The following GLCE variants were observed in gnomAD, a reference collection of about 807,000 sequenced individuals.
GLCE encodes glucuronic acid epimerase, also known as D-glucuronyl C5-epimerase.
A neutral mutation model predicts 47.9 loss-of-function variants in GLCE; 19 were observed. The ratio of observed to expected loss-of-function variants is 0.40; its 90% CI spans 0.28 to 0.58. The LOEUF (loss-of-function observed/expected upper bound fraction) is 0.58. GLCE is among the 20% of genes least tolerant of loss of function. The pLI is 0.48. For missense variants in GLCE, 556 were observed against 743.3 expected, an observed-to-expected ratio of 0.75 and a Z score of 2.93; for synonymous variants, 245 against 263.4, an observed-to-expected ratio of 0.93 and a Z score of 0.68.
At chr15:69,234,801 T>C (rs181238999) in intron 2 of GLCE, among the ~76,000 whole-genome samples, 51 of 152,296 alleles carry the variant, frequency 3.3e-4, no homozygotes, top group African/African-American at 1.2e-3. Flanking sequence ...AGCTGGGAAA[T>C]CTTAGTTTAA....
At position 69,269,371 on chromosome 15, in the gene GLCE, AGT is replaced by A. The variant is rs1413617100; in HGVS notation, c.*129_*130del. ...TTTTGTGGATTCTATCAAAGTGATA[AGT>A]GATCCTTAAAACCAGCCTTCTAAAA... On this transcript the variant is annotated 3_prime_UTR_variant, in exon 5 of 5. Coordinates refer to ENST00000261858, the MANE Select transcript of GLCE (RefSeq NM_015554.3). The A allele has an allele frequency of 1.1e-5, 8 of 729,236 alleles. No homozygotes were observed. The highest frequency in any genetic ancestry group is 1.6e-5 in the Non-Finnish European group (7 of 440,646). The allele number at this position is 729,236 out of a possible 1,614,324, so 45.2% of individuals were successfully genotyped here. A position where few individuals can be genotyped will look rare whatever the true frequency, so the allele number is the denominator to read the frequency against.
At chr15:69,258,936 T>C (rs1455868120) in intron 3 of GLCE, among the ~76,000 whole-genome samples, 1 of 152,232 alleles carries the variant, frequency 6.6e-6, no homozygotes. Flanking sequence ...ATTCTGAGAA[T>C]ATAATTAACT....
intron 2 of GLCE, among the ~76,000 whole-genome samples, chr15:69,243,790 T>C (rs780337827): frequency 1.4e-4 from 17 of 118,190 alleles, no homozygotes; most frequent in Middle Eastern, 4.0e-3. Context: ...CTATGGCTAA[T>C]AAAAAGTCAT....
intron 1 of GLCE, among the ~76,000 whole-genome samples, chr15:69,165,267 T>G (rs1403310496): frequency 6.6e-6 from 1 of 152,184 alleles, no homozygotes; most frequent in African/African-American, 2.4e-5. Context: ...CCATACTTTA[T>G]CAGCCCAACT....
chr15:69,168,198 C>T (rs1435242110), intron 1 of GLCE, among the ~76,000 whole-genome samples: 11 of 151,880 alleles, frequency 7.2e-5, no homozygotes, highest in Non-Finnish European at 1.6e-4. Flanking sequence ...CCTCGGAGGC[C>T]GAGGTTGGAG....
intron 2 of GLCE, among the ~76,000 whole-genome samples, chr15:69,227,270 A>T (rs779601521): frequency 1.5e-4 from 23 of 152,196 alleles, no homozygotes; most frequent in Non-Finnish European, 2.9e-4. Context: ...TATCCTGACT[A>T]ACTAATACCC....
intron 2 of GLCE, among the ~76,000 whole-genome samples, chr15:69,238,295 G>A (rs2052619597): frequency 6.6e-6 from 1 of 152,210 alleles, no homozygotes; most frequent in Admixed American, 6.5e-5. Context: ...GCCATAATAT[G>A]ATACTATGAT....
chr15:69,249,885 A>G (rs1361100216), intron 2 of GLCE, among the ~76,000 whole-genome samples: 3 of 151,988 alleles, frequency 2.0e-5, no homozygotes, highest in Non-Finnish European at 2.9e-5. Context: ...AAAAAACCCT[A>G]AGAGTTATGT....
chr15:69,239,591 CTAAA>C (rs1184325241), intron 2 of GLCE, among the ~76,000 whole-genome samples: 1 of 152,058 alleles, frequency 6.6e-6, no homozygotes, highest in Non-Finnish European at 1.5e-5. Flanking sequence ...ATAAATATAT[CTAAA>C]TAGAGTGTAC....
In GLCE at chr15:69,185,495, C is replaced by T. The variant is rs1439834611; in HGVS notation, c.-105+24738C>T. Among the ~76,000 whole-genome samples the T allele has an allele frequency of 2.6e-5, 4 of 152,056 alleles. No individual in the cohort carries two copies. In the East Asian group the frequency reaches 5.8e-4, roughly 22 times the overall value. On this transcript the variant is annotated intron_variant, in intron 1 of 4. Coordinates refer to ENST00000261858, the MANE Select transcript of GLCE (RefSeq NM_015554.3). ...TTAAGTTTCTAATTAATTCTAGCTC[C>T]ACTGCTTTCCAGATCTGTGTGATCA...
At chr15:69,169,177 T>C (rs2051548328) in intron 1 of GLCE, among the ~76,000 whole-genome samples, 1 of 152,228 alleles carries the variant, frequency 6.6e-6, no homozygotes, top group East Asian at 1.9e-4. Flanking sequence ...TAGTAGTAAT[T>C]CTTTTTCATT....
At chr15:69,222,167 C>G (rs1488603711) in intron 2 of GLCE, among the ~76,000 whole-genome samples, 2 of 152,206 alleles carry the variant, frequency 1.3e-5, no homozygotes, top group African/African-American at 4.8e-5. Context: ...TCCACTGATT[C>G]CTCGAAGCTG....
intron 1 of GLCE, chr15:69,194,331 A>T (rs923503827): frequency 6.6e-6 from 1 of 152,180 alleles, no homozygotes; most frequent in African/African-American, 2.4e-5. Flanking sequence ...AATCTTACAT[A>T]AAATGTACTC....
chr15:69,184,041 G>T (rs530298720), intron 1 of GLCE, among the ~76,000 whole-genome samples: 4 of 152,350 alleles, frequency 2.6e-5, no homozygotes, highest in African/African-American at 9.6e-5. Flanking sequence ...GACAACTCTA[G>T]TGCAGTTTAG....
intron 1 of GLCE, among the ~76,000 whole-genome samples, chr15:69,189,319 G>C (rs542791565): frequency 6.6e-6 from 1 of 152,010 alleles, no homozygotes; most frequent in African/African-American, 2.4e-5. Flanking sequence ...CTTCTTTCAC[G>C]TAGTAATATA....
chr15:69,191,189 AT>A (rs1287126816), intron 1 of GLCE, among the ~76,000 whole-genome samples: 3 of 151,878 alleles, frequency 2.0e-5, no homozygotes, highest in African/African-American at 7.3e-5. Flanking sequence ...GTTTAGTATC[AT>A]TTTTCTTCTG....
intron 1 of GLCE, among the ~76,000 whole-genome samples, chr15:69,176,313 T>C (rs1164077329): frequency 7.7e-6 from 1 of 129,962 alleles, no homozygotes; most frequent in Non-Finnish European, 1.6e-5. Flanking sequence ...AACCTCCACC[T>C]CCTGGGTTCA....
chr15:69,262,881 T>C (rs910255701), intron 4 of GLCE, among the ~76,000 whole-genome samples: 1 of 152,204 alleles, frequency 6.6e-6, no homozygotes, highest in East Asian at 1.9e-4. Context: ...ATCCCTTATC[T>C]GAAATGCTTG....
intron 2 of GLCE, among the ~76,000 whole-genome samples, chr15:69,246,738 A>G (rs1341474795): frequency 6.6e-6 from 1 of 151,070 alleles, no homozygotes; most frequent in Non-Finnish European, 1.5e-5. Flanking sequence ...AAAAAAAGAC[A>G]TGAAAGTCAA....
Sources: gnomAD v4.1 joint callset for allele counts (sites outside exome capture counted in the v4.1 genomes callset) on GRCh38, gnomAD v4.1.1 for gene constraint, MANE v1.5 for transcripts, NCBI Gene and HGNC (gene_info 2026-07-23, HGNC 2026-07-21) for gene names.